NDST4: variants seen among roughly 807,000 people sequenced by gnomAD.
NDST4 encodes N-deacetylase and N-sulfotransferase 4, also known as N-heparan sulfate sulfotransferase 4.
Under a neutral mutation model 100.8 loss-of-function variants are expected in NDST4, and 63 were observed. That is an observed-to-expected ratio of 0.62 (90% CI 0.51 to 0.77). NDST4 has a LOEUF of 0.77. Ranked by LOEUF, NDST4 falls within the 30% of genes least tolerant of loss-of-function variation. NDST4 has a pLI of 0.00. For missense variants in NDST4, 943 were observed against 1,018.4 expected (o/e 0.93, Z 1.01); for synonymous variants, 377 against 361.8 (o/e 1.04, Z -0.48).
chr4:114,965,343 G>T (rs146893827), intron 4 of NDST4, among the ~76,000 whole-genome samples: 2 of 152,100 alleles, frequency 1.3e-5, no homozygotes, highest in Non-Finnish European at 2.9e-5. Context: ...ATACATAGCT[G>T]ATTGAGTGTG....
chr4:114,923,907 A>C (rs369260663), intron 6 of NDST4, among the ~76,000 whole-genome samples: 1 of 151,808 alleles, frequency 6.6e-6, no homozygotes, highest in East Asian at 1.9e-4. Context: ...AAAATATTGC[A>C]GCTTTCATTT....
chr4:115,005,654 T>C (rs1727396487), intron 2 of NDST4, among the ~76,000 whole-genome samples: 1 of 152,058 alleles, frequency 6.6e-6, no homozygotes, highest in African/African-American at 2.4e-5. Flanking sequence ...TAATCTTAGG[T>C]ATGAATGGGG....
At chr4:114,880,843 T>A (rs1275379991) in intron 6 of NDST4, among the ~76,000 whole-genome samples, 1 of 152,154 alleles carries the variant, frequency 6.6e-6, no homozygotes, top group East Asian at 1.9e-4. Flanking sequence ...GACTTGCAGA[T>A]GTCTTCTTGA....
intron 6 of NDST4, among the ~76,000 whole-genome samples, chr4:114,881,110 T>C (rs1263706122): frequency 6.6e-6 from 1 of 152,036 alleles, no homozygotes; most frequent in Non-Finnish European, 1.5e-5. Context: ...AAGGAACCAT[T>C]GAAGGATTTT....
chr4:115,047,441 T>C (rs1185542957), intron 2 of NDST4, among the ~76,000 whole-genome samples: 1 of 152,160 alleles, frequency 6.6e-6, no homozygotes, highest in African/African-American at 2.4e-5. Context: ...GAAAATATTC[T>C]AGCATTTATT....
chr4:115,051,240 C>T (rs1002273762), intron 2 of NDST4, among the ~76,000 whole-genome samples: 1 of 151,944 alleles, frequency 6.6e-6, no homozygotes, highest in African/African-American at 2.4e-5. Context: ...GTCTTCATCT[C>T]GTTTATTTAA....
At chr4:115,109,345 C>T (rs1041305963) in intron 1 of NDST4, among the ~76,000 whole-genome samples, 1 of 151,878 alleles carries the variant, frequency 6.6e-6, no homozygotes, top group Admixed American at 6.6e-5. Context: ...AAATAAATCA[C>T]AACATAAGTT....
chr4:115,098,089 C>G (rs13152038), intron 1 of NDST4, among the ~76,000 whole-genome samples: 1 of 152,054 alleles, frequency 6.6e-6, no homozygotes, highest in Non-Finnish European at 1.5e-5. Flanking sequence ...TCTATTACAC[C>G]ATATACATAA....
chr4:114,857,474 C>T (rs1723822222), intron 7 of NDST4, among the ~76,000 whole-genome samples: 1 of 152,170 alleles, frequency 6.6e-6, no homozygotes, highest in South Asian at 2.1e-4. Flanking sequence ...TCACCTGTCA[C>T]TGTTGCACTG....
At chr4:114,900,234 G>C (rs56831841) in intron 6 of NDST4, among the ~76,000 whole-genome samples, 8,974 of 150,940 alleles carry the variant, frequency 0.059, 721 homozygotes, top group African/African-American at 0.18. Flanking sequence ...TTTTCTCAGC[G>C]TAACTATAGG....
intron 6 of NDST4, among the ~76,000 whole-genome samples, chr4:114,919,844 A>G (rs1345283227): frequency 6.6e-6 from 1 of 152,176 alleles, no homozygotes; most frequent in Non-Finnish European, 1.5e-5. Context: ...TGCTGCAGAG[A>G]TGGAGAGAAA....
chr4:114,938,469 A>T (rs1222157831), intron 4 of NDST4, among the ~76,000 whole-genome samples: 1 of 152,212 alleles, frequency 6.6e-6, no homozygotes, highest in Non-Finnish European at 1.5e-5. Context: ...GTTTCTTTAT[A>T]TCCCTCCCTT....
chr4:115,084,554 C>A (rs544725194), intron 1 of NDST4, among the ~76,000 whole-genome samples: 1 of 152,214 alleles, frequency 6.6e-6, no homozygotes, highest in African/African-American at 2.4e-5. Context: ...ATTCATGCAC[C>A]AGGTCCAGGG....
intron 2 of NDST4, among the ~76,000 whole-genome samples, chr4:115,013,345 C>G (rs1727597597): frequency 6.7e-5 from 1 of 14,934 alleles, no homozygotes; most frequent in Admixed American, 9.9e-4. Flanking sequence ...AATATAAATA[C>G]CATATATATA....
intron 2 of NDST4, among the ~76,000 whole-genome samples, chr4:114,980,639 T>C (rs937717259): frequency 6.7e-6 from 1 of 149,638 alleles, no homozygotes; most frequent in East Asian, 1.9e-4. Flanking sequence ...TGAAACTCCA[T>C]CTCAAAAAAT....
chr4:114,966,780 G>A (rs1726392404), intron 4 of NDST4, among the ~76,000 whole-genome samples: 1 of 152,058 alleles, frequency 6.6e-6, no homozygotes, highest in Non-Finnish European at 1.5e-5. Flanking sequence ...GTGGACCGAT[G>A]TAATCCACAA....
intron 2 of NDST4, among the ~76,000 whole-genome samples, chr4:114,995,728 T>C (rs746884862): frequency 5.9e-5 from 9 of 152,146 alleles, no homozygotes; most frequent in Non-Finnish European, 1.0e-4. Context: ...CATTTAATTG[T>C]TACAAATGTT....
intron 2 of NDST4, among the ~76,000 whole-genome samples, chr4:114,991,127 G>C (rs988786008): frequency 2.0e-5 from 3 of 152,062 alleles, no homozygotes; most frequent in Non-Finnish European, 4.4e-5. Context: ...AAGCTAAGCA[G>C]AATGAGTATA....
intron 4 of NDST4, among the ~76,000 whole-genome samples, chr4:114,939,003 A>T (rs1268649164): frequency 6.6e-6 from 1 of 152,220 alleles, no homozygotes; most frequent in Non-Finnish European, 1.5e-5. Flanking sequence ...TTTCCAACAC[A>T]AGGCAAAGCT....
Sources: allele counts gnomAD v4.1 joint callset (sites outside exome capture counted in the v4.1 genomes callset), GRCh38; gene constraint gnomAD v4.1.1; transcripts MANE v1.5; gene names NCBI Gene and HGNC (gene_info 2026-07-23, HGNC 2026-07-21).